BTNL8: variants seen among roughly 807,000 people sequenced by gnomAD.
The protein encoded by BTNL8 is butyrophilin like 8.
A neutral mutation model predicts 36.1 loss-of-function variants in BTNL8; 22 were observed. The ratio of observed to expected loss-of-function variants is 0.61; its 90% CI spans 0.44 to 0.87. The LOEUF is 0.87. BTNL8 is among the 40% of genes least tolerant of loss of function. The pLI, the probability that BTNL8 is intolerant of heterozygous loss-of-function variation, is 0.00. For synonymous variants in BTNL8, 203 were observed against 235.6 expected, an observed-to-expected ratio of 0.86 and a Z score of 1.27; for missense variants, 526 against 616.9, an observed-to-expected ratio of 0.85 and a Z score of 1.56.
intron 3 of BTNL8, 110 bp from the exon 4 acceptor site, chr5:180,947,402 T>C: frequency 3.6e-6 from 5 of 1,397,336 alleles, no homozygotes; most frequent in Admixed American, 2.1e-5. Context: ...TAGGAGAATT[T>C]ATAGAAACCT....
chr5:180,933,274 A>G (rs1758491870), intron 3 of BTNL8, among the ~76,000 whole-genome samples: 1 of 152,168 alleles, frequency 6.6e-6, no homozygotes, highest in Admixed American at 6.5e-5. Flanking sequence ...CAATAAGAAA[A>G]CTTTGGACTT....
chr5:180,914,521 A>C (rs1490596198), intron 3 of BTNL8, among the ~76,000 whole-genome samples: 1 of 152,246 alleles, frequency 6.6e-6, no homozygotes, highest in Admixed American at 6.5e-5. Context: ...AATGAGAAAA[A>C]GAAAAACAAT....
chr5:180,907,428 T>A (rs367795875), intron 1 of BTNL8, among the ~76,000 whole-genome samples: 2 of 132,222 alleles, frequency 1.5e-5, no homozygotes, highest in African/African-American at 3.8e-5. Context: ...ATTCTTCTAA[T>A]TTTTTTTCAA....
rs2113867811 is a variant in BTNL8 at position 180,947,444 on chromosome 5, C to T, written c.674-68C>T. ...TCCATTGTGGGGAACAAGGTGACTCCTTAAAGAAGAATTGAATTGTGTCTT... is the reference window on the plus strand; with the variant it reads ...TCCATTGTGGGGAACAAGGTGACTCTTTAAAGAAGAATTGAATTGTGTCTT... On this transcript the variant is annotated intron_variant, in intron 3 of 7. Transcript: ENST00000340184. 3 of 1,573,740 alleles carry T rather than the reference C, an allele frequency of 1.9e-6. 1 individual carries two copies. The highest frequency in any genetic ancestry group is 3.4e-4 in the Middle Eastern group (2 of 5,948).
chr5:180,945,255 A>T (rs1759179845), intron 3 of BTNL8, among the ~76,000 whole-genome samples: 1 of 152,240 alleles, frequency 6.6e-6, no homozygotes, highest in South Asian at 2.1e-4. Flanking sequence ...AAACAAGTGG[A>T]TATCCACATG....
chr5:180,902,519 T>A (rs919485737), intron 1 of BTNL8: 2 of 883,402 alleles, frequency 2.3e-6, no homozygotes, highest in Non-Finnish European at 3.2e-6. Context: ...TATAAAGGGT[T>A]TTTTTTTTTG....
At chr5:180,943,718 G>C (rs1367754398) in intron 3 of BTNL8, among the ~76,000 whole-genome samples, 1 of 152,100 alleles carries the variant, frequency 6.6e-6, no homozygotes, top group Non-Finnish European at 1.5e-5. Context: ...AACTACCATA[G>C]ATCCAGCAAT....
At chr5:180,900,509 T>G (rs1242480338) in intron 1 of BTNL8, among the ~76,000 whole-genome samples, 1 of 152,186 alleles carries the variant, frequency 6.6e-6, no homozygotes, top group African/African-American at 2.4e-5. Flanking sequence ...GGAGATGTTA[T>G]AGGCAAGAGA....
chr5:180,937,248 G>C (rs1262318219), intron 3 of BTNL8, among the ~76,000 whole-genome samples: 1 of 152,192 alleles, frequency 6.6e-6, no homozygotes, highest in Non-Finnish European at 1.5e-5. Context: ...CTGGGACCAA[G>C]TGACCAGTGG....
intron 3 of BTNL8, among the ~76,000 whole-genome samples, chr5:180,923,362 T>C (rs894063283): frequency 3.3e-5 from 5 of 152,148 alleles, no homozygotes; most frequent in Non-Finnish European, 5.9e-5. Flanking sequence ...ATGTAAGTAT[T>C]ACCTTAATAA....
chr5:180,914,888 G>C (rs1757553632), intron 3 of BTNL8, among the ~76,000 whole-genome samples: 1 of 152,170 alleles, frequency 6.6e-6, no homozygotes, highest in Non-Finnish European at 1.5e-5. Flanking sequence ...CCGCCTCACT[G>C]CTCTTCCGAG....
Position 180,899,217 on chromosome 5 carries a change from A to G in BTNL8, c.-94A>G. ...GCCTCTCCGTGGCTTCCGCACCTTG[A>G]GCATTAGGCCAGTTCTCCTCTTCTC... is the stretch of plus-strand genomic sequence containing the variant. On this transcript the variant is annotated 5_prime_UTR_variant, in exon 1 of 8. Transcript: ENST00000340184. 2 of 1,483,278 alleles carry G rather than the reference A, an allele frequency of 1.3e-6. No homozygotes were observed. The highest frequency in any genetic ancestry group is 1.7e-5 in the Admixed American group (1 of 59,328). 91.9% of individuals were successfully genotyped at this position (1,483,278 alleles called of 1,614,324 possible). A position where few individuals can be genotyped will look rare whatever the true frequency, so the allele number is the denominator to read the frequency against.
At chr5:180,922,733 T>C (rs1321773186) in intron 3 of BTNL8, among the ~76,000 whole-genome samples, 1 of 151,498 alleles carries the variant, frequency 6.6e-6, no homozygotes, top group African/African-American at 2.4e-5. Flanking sequence ...TGAGTTCAGG[T>C]CCTGAATATC....
At chr5:180,925,588 T>C (rs1423995360) in intron 3 of BTNL8, among the ~76,000 whole-genome samples, 1 of 152,182 alleles carries the variant, frequency 6.6e-6, no homozygotes, top group Non-Finnish European at 1.5e-5. Context: ...AATAAAATCT[T>C]TCCCAGACAA....
chr5:180,901,002 G>T (rs547148685), intron 1 of BTNL8, among the ~76,000 whole-genome samples: 1 of 152,304 alleles, frequency 6.6e-6, no homozygotes, highest in East Asian at 1.9e-4. Flanking sequence ...AGGCTCCAGG[G>T]ACGGAGCTGT....
Position 180,947,624 on chromosome 5 carries a change from G to C in BTNL8, c.786G>C (p.Gln262His), listed in dbSNP as rs532378819. 1 of 1,614,214 alleles carries C rather than the reference G, an allele frequency of 6.2e-7. No individual in the cohort carries two copies. The highest frequency in any genetic ancestry group is 1.1e-5 in the South Asian group (1 of 91,086). Residue 262 changes from glutamine to histidine, a missense_variant and splice_region_variant, in exon 4 of 8, where the codon CAG (glutamine) becomes CAC (histidine). Physicochemically the swap from Gln to His is conservative, Grantham distance 24. Transcript: ENST00000340184. ...TGAAGATTTTCTTCTCCAAATTCCA[G>C]TGTAAGCGAGAGAGAGAAGCATGGG... ...VGLKIFFSKF[Q>H]WKIQAELDWR...
intron 4 of BTNL8, 111 bp downstream of exon 4, chr5:180,947,736 A>AG (rs758346728): frequency 5.0e-6 from 8 of 1,614,084 alleles, no homozygotes; most frequent in African/African-American, 1.3e-5. Context: ...CCTAGCCTCC[A>AG]GGGGCCCAGG....
intron 3 of BTNL8, among the ~76,000 whole-genome samples, chr5:180,922,839 G>T (rs568498184): frequency 6.6e-6 from 1 of 152,088 alleles, no homozygotes; most frequent in African/African-American, 2.4e-5. Flanking sequence ...CTCTTTGAAG[G>T]TCTCCAAGAA....
At chr5:180,910,583 C>T (rs2113781352) in intron 2 of BTNL8, among the ~76,000 whole-genome samples, 1 of 152,346 alleles carries the variant, frequency 6.6e-6, no homozygotes, top group South Asian at 2.1e-4. Flanking sequence ...TAGCTTCCCT[C>T]ATGCTAACTT....
Sources: allele counts gnomAD v4.1 joint callset (sites outside exome capture counted in the v4.1 genomes callset), GRCh38; gene constraint gnomAD v4.1.1; transcripts MANE v1.5; gene names NCBI Gene and HGNC (gene_info 2026-07-23, HGNC 2026-07-21).